NRG3: variants seen among roughly 807,000 people sequenced by gnomAD.
The protein encoded by NRG3 is pro-neuregulin-3, membrane-bound isoform.
Under a neutral mutation model 66.9 loss-of-function variants are expected in NRG3, and 31 were observed. The ratio of observed to expected loss-of-function variants is 0.46; its 90% CI spans 0.35 to 0.63. NRG3 has a LOEUF of 0.63. Ranked by LOEUF, NRG3 falls within the 20% of genes least tolerant of loss-of-function variation. The pLI is 0.00. For missense variants in NRG3, 910 were observed against 878.9 expected, an observed-to-expected ratio of 1.04 and a Z score of -0.45; for synonymous variants, 393 against 359.4, an observed-to-expected ratio of 1.09 and a Z score of -1.06.
At chr10:82,214,743 T>G (rs1320407490) in intron 1 of NRG3, among the ~76,000 whole-genome samples, 3 of 152,190 alleles carry the variant, frequency 2.0e-5, no homozygotes, top group Non-Finnish European at 4.4e-5. Context: ...GCACTGGGAT[T>G]ACTGTTGTGA....
chr10:82,610,856 G>A (rs1473972583), intron 2 of NRG3, among the ~76,000 whole-genome samples: 2 of 152,098 alleles, frequency 1.3e-5, no homozygotes, highest in East Asian at 3.8e-4. Flanking sequence ...CTGAGATATG[G>A]TTTTTAATGA....
intron 1 of NRG3, among the ~76,000 whole-genome samples, chr10:82,152,548 C>T (rs2070836563): frequency 6.6e-6 from 1 of 151,976 alleles, no homozygotes; most frequent in Non-Finnish European, 1.5e-5. Context: ...GGACGTAGCT[C>T]TGTGATATCA....
At chr10:81,981,604 C>T (rs1043972686) in intron 1 of NRG3, among the ~76,000 whole-genome samples, 2 of 152,128 alleles carry the variant, frequency 1.3e-5, no homozygotes, top group African/African-American at 2.4e-5. Context: ...TAAGGAGGTG[C>T]CCCTCATTCT....
chr10:82,966,682 G>A (rs1211764838), intron 6 of NRG3, among the ~76,000 whole-genome samples: 1 of 152,074 alleles, frequency 6.6e-6, no homozygotes, highest in Non-Finnish European at 1.5e-5. Context: ...ATCTACATAA[G>A]TTATTTGGGA....
At chr10:82,232,114 A>G (rs1422092622) in intron 1 of NRG3, 1 of 152,148 alleles carries the variant, frequency 6.6e-6, no homozygotes, top group Non-Finnish European at 1.5e-5. Context: ...GGCTGGGAGG[A>G]TATAGAAAGG....
At chr10:82,377,620 A>G (rs531596319) in intron 2 of NRG3, among the ~76,000 whole-genome samples, 16 of 152,300 alleles carry the variant, frequency 1.1e-4, no homozygotes, top group Admixed American at 9.8e-4. Flanking sequence ...ATTGAGATCA[A>G]TGGCAGGAAG....
chr10:82,313,077 C>T (rs866213186), intron 1 of NRG3, among the ~76,000 whole-genome samples: 5 of 152,020 alleles, frequency 3.3e-5, no homozygotes, highest in Admixed American at 1.3e-4. Context: ...ACTTGGGAGG[C>T]TGAGGTGGGA....
At chr10:81,933,038 G>A (rs765424159) in intron 1 of NRG3, among the ~76,000 whole-genome samples, 15 of 150,452 alleles carry the variant, frequency 1.0e-4, no homozygotes, top group Non-Finnish European at 1.5e-4. Context: ...AACCCGGGAG[G>A]CAGAGGTTGC....
At chr10:82,876,770 T>C (rs1841854565) in intron 4 of NRG3, among the ~76,000 whole-genome samples, 1 of 152,122 alleles carries the variant, frequency 6.6e-6, no homozygotes, top group African/African-American at 2.4e-5. Flanking sequence ...ACGCCTGTAG[T>C]CCCAGCAGTT....
In NRG3 at chr10:82,572,954, C is replaced by T. The variant is rs530719131; in HGVS notation, c.954-165623C>T. Reference sequence around the variant, plus strand: ...ATTTGATGCCAAGGTGCAGCTTGCTCAAGCAGGGCTGGAGGCAGGAAATGA... The same window carrying T: ...ATTTGATGCCAAGGTGCAGCTTGCTTAAGCAGGGCTGGAGGCAGGAAATGA... On this transcript the variant is annotated intron_variant, in intron 2 of 8. Coordinates refer to ENST00000372141, the MANE Select transcript of NRG3 (RefSeq NM_001010848.4). Among the ~76,000 whole-genome samples the T allele has an allele frequency of 8.6e-5, 13 of 151,902 alleles. No homozygotes were observed. The South Asian group carries it at 2.1e-3, about 24-fold the overall frequency.
At chr10:82,031,000 T>G (rs565271873) in intron 1 of NRG3, among the ~76,000 whole-genome samples, 1 of 152,302 alleles carries the variant, frequency 6.6e-6, no homozygotes, top group Admixed American at 6.5e-5. Flanking sequence ...AAAGTTATTA[T>G]CTAGATATTC....
Position 82,951,312 on chromosome 10 carries a change from A to G in NRG3, c.1055-157A>G, listed in dbSNP as rs1849493369. ...TTATCCTGTAGAACTTTGCAAAGTA[A>G]TTGAATCATAATAAGTTCCTTGTTT... On this transcript the variant is annotated intron_variant, in intron 4 of 8. Coordinates refer to ENST00000372141, the MANE Select transcript of NRG3 (RefSeq NM_001010848.4). 3 of 582,762 alleles carry G rather than the reference A, an allele frequency of 5.1e-6. No individual in the cohort carries two copies. The South Asian group carries it at 6.3e-5, about 12-fold the overall frequency. The allele number at this position is 582,762 out of a possible 1,614,324, so 36.1% of individuals were successfully genotyped here.
At chr10:82,865,350 G>GT (rs1840610393) in intron 3 of NRG3, 61 bp from the exon 4 acceptor site, 2 of 1,578,988 alleles carry the variant, frequency 1.3e-6, no homozygotes, top group Admixed American at 1.7e-5. Flanking sequence ...CATGTATAGA[G>GT]CTTTTTCTAA....
chr10:82,983,006 A>G (rs1853082764), intron 8 of NRG3, among the ~76,000 whole-genome samples: 1 of 152,216 alleles, frequency 6.6e-6, no homozygotes, highest in African/African-American at 2.4e-5. Context: ...TGTCTTAGTC[A>G]TGCCACATAG....
chr10:82,270,917 A>G (rs895285061), intron 1 of NRG3, among the ~76,000 whole-genome samples: 4 of 152,120 alleles, frequency 2.6e-5, no homozygotes, highest in Admixed American at 2.6e-4. Flanking sequence ...TGAATTGTCA[A>G]TGTGAGTTTC....
At chr10:82,616,368 CT>C (rs1208086360) in intron 2 of NRG3, among the ~76,000 whole-genome samples, 1 of 152,120 alleles carries the variant, frequency 6.6e-6, no homozygotes, top group Non-Finnish European at 1.5e-5. Flanking sequence ...GTGTACAATT[CT>C]TTTTTCAGTT....
At chr10:81,909,576 A>T (rs1844923884) in intron 1 of NRG3, among the ~76,000 whole-genome samples, 1 of 152,188 alleles carries the variant, frequency 6.6e-6, no homozygotes, top group African/African-American at 2.4e-5. Flanking sequence ...ATTGGCTGCA[A>T]ACCTGTGACT....
intron 2 of NRG3, among the ~76,000 whole-genome samples, chr10:82,543,672 T>A (rs964587091): frequency 7.2e-5 from 11 of 152,190 alleles, no homozygotes; most frequent in African/African-American, 2.7e-4. Context: ...TTATTTACAT[T>A]TATAATAGTT....
At position 82,298,274 on chromosome 10, in the gene NRG3, G is replaced by A. The variant is rs559878905; in HGVS notation, c.824-60465G>A. Among the ~76,000 whole-genome samples the A allele has an allele frequency of 4.6e-3, 697 of 151,734 alleles. 6 individuals are homozygous for A. The highest frequency in any genetic ancestry group is 0.016 in the African/African-American group (667 of 41,376). On this transcript the variant is annotated intron_variant, in intron 1 of 8. Coordinates refer to ENST00000372141, the MANE Select transcript of NRG3 (RefSeq NM_001010848.4). The stretch of plus-strand genomic sequence containing the variant: ...TGGAGGGAGGGAGGGAAGGAAGGGA[G>A]AGAGGGAGGAAGGAAGGAAGGAAGG...
Sources: gnomAD v4.1 joint callset for allele counts (sites outside exome capture counted in the v4.1 genomes callset) on GRCh38, gnomAD v4.1.1 for gene constraint, MANE v1.5 for transcripts, NCBI Gene and HGNC (gene_info 2026-07-23, HGNC 2026-07-21) for gene names.